CDH18: variants seen among roughly 807,000 people sequenced by gnomAD.
The protein encoded by CDH18 is cadherin-18.
In CDH18, 31 loss-of-function variants were observed where a neutral mutation model predicts 67.9. The observed-to-expected ratio is 0.46, with a 90% CI of 0.34 to 0.62. The LOEUF is 0.62. Ranked by LOEUF, CDH18 falls within the 20% of genes least tolerant of loss-of-function variation. The probability of loss-of-function intolerance (pLI) is 0.01; values close to 1 mark genes in which losing one functional copy is unlikely to be tolerated. For missense variants in CDH18, 890 were observed against 975.5 expected (o/e 0.91, Z 1.17); for synonymous variants, 362 against 347.2 (o/e 1.04, Z -0.48).
intron 4 of CDH18, among the ~76,000 whole-genome samples, chr5:19,742,694 A>G (rs1769371554): frequency 6.6e-6 from 1 of 151,830 alleles, no homozygotes; most frequent in East Asian, 1.9e-4. Context: ...CCATTTTATT[A>G]CTAGCCACTA....
intron 1 of CDH18, among the ~76,000 whole-genome samples, chr5:20,494,413 G>C (rs1371224867): frequency 6.6e-6 from 1 of 151,968 alleles, no homozygotes; most frequent in Non-Finnish European, 1.5e-5. Context: ...TGAGAAAGTA[G>C]ATAAAAAATG....
At chr5:19,699,750 C>T (rs751491680) in intron 5 of CDH18, among the ~76,000 whole-genome samples, 3 of 151,874 alleles carry the variant, frequency 2.0e-5, no homozygotes, top group Non-Finnish European at 2.9e-5. Flanking sequence ...TTCCTCATCA[C>T]AATAGTGCAA....
chr5:20,191,263 T>G (rs946403863), intron 2 of CDH18, among the ~76,000 whole-genome samples: 2 of 152,174 alleles, frequency 1.3e-5, no homozygotes, highest in East Asian at 3.9e-4. Flanking sequence ...CCATTGATGG[T>G]GGAAAATGCC....
chr5:19,674,111 C>T (rs1480686117), intron 5 of CDH18, among the ~76,000 whole-genome samples: 2 of 151,940 alleles, frequency 1.3e-5, no homozygotes, highest in South Asian at 2.1e-4. Flanking sequence ...ACAATGATAA[C>T]CTCCTACATT....
chr5:20,568,004 G>A (rs1758610479), intron 1 of CDH18, among the ~76,000 whole-genome samples: 1 of 152,166 alleles, frequency 6.6e-6, no homozygotes, highest in Non-Finnish European at 1.5e-5. Context: ...AGCACTGAGT[G>A]TAAATATGAG....
At chr5:20,324,007 A>G (rs1738292963) in intron 1 of CDH18, among the ~76,000 whole-genome samples, 1 of 152,168 alleles carries the variant, frequency 6.6e-6, no homozygotes, top group African/African-American at 2.4e-5. Context: ...GTGGCAGATT[A>G]ATCTTCTTTC....
intron 4 of CDH18, among the ~76,000 whole-genome samples, chr5:19,740,370 G>T (rs1349284775): frequency 1.3e-5 from 2 of 151,824 alleles, no homozygotes; most frequent in Non-Finnish European, 2.9e-5. Flanking sequence ...ACAACTTCTA[G>T]ATTTAAAACA....
Position 20,513,705 on chromosome 5 carries a change from T to C in CDH18, c.-580+61757A>G, listed in dbSNP as rs571902617. 1.2e-4 allele frequency among the ~76,000 whole-genome samples: 19 copies of C among 152,254 alleles called. 2 individuals are homozygous for C. Among genetic ancestry groups the C allele is most frequent in the African/African-American group, 4.1e-4 (17 of 41,572 alleles). On this transcript the variant is annotated intron_variant, in intron 1 of 14. Coordinates refer to the CDH18 transcript ENST00000507958. ...TTTTTGGGCCTAACAATCATAACAA[T>C]GTCAAAATAAACATTCATTGGAGAG... is the stretch of plus-strand genomic sequence containing the variant.
intron 2 of CDH18, among the ~76,000 whole-genome samples, chr5:20,139,534 T>G (rs1750051946): frequency 6.6e-6 from 1 of 152,086 alleles, no homozygotes; most frequent in Admixed American, 6.6e-5. Context: ...ACAGGTAACC[T>G]ACAGAATGGG....
intron 1 of CDH18, among the ~76,000 whole-genome samples, chr5:20,552,828 T>C (rs1757708766): frequency 6.6e-6 from 1 of 151,898 alleles, no homozygotes. Context: ...TGATCTCGGC[T>C]CACCGCAACC....
At chr5:20,503,068 C>T (rs1344854043) in intron 1 of CDH18, among the ~76,000 whole-genome samples, 1 of 152,026 alleles carries the variant, frequency 6.6e-6, no homozygotes, top group Non-Finnish European at 1.5e-5. Flanking sequence ...TAATGTAGTG[C>T]TGCAAATAGA....
intron 2 of CDH18, among the ~76,000 whole-genome samples, chr5:20,085,594 C>A (rs974773138): frequency 2.0e-5 from 3 of 152,096 alleles, no homozygotes; most frequent in Admixed American, 6.6e-5. Flanking sequence ...TGGGACTAGA[C>A]AATTTACAAA....
chr5:19,958,133 C>T (rs1479028838), intron 2 of CDH18, among the ~76,000 whole-genome samples: 1 of 151,622 alleles, frequency 6.6e-6, no homozygotes, highest in Non-Finnish European at 1.5e-5. Context: ...TTTTCCCCTT[C>T]AGCAGACTAG....
chr5:20,032,987 A>G (rs986628741), intron 2 of CDH18, among the ~76,000 whole-genome samples: 1 of 152,000 alleles, frequency 6.6e-6, no homozygotes, highest in Non-Finnish European at 1.5e-5. Flanking sequence ...ATTTTTGGAA[A>G]GTACCAATGT....
At chr5:19,524,461 CATA>C (rs1041390237) in intron 9 of CDH18, among the ~76,000 whole-genome samples, 28 of 151,496 alleles carry the variant, frequency 1.8e-4, no homozygotes, top group African/African-American at 4.8e-4. Context: ...TCAAAACTAA[CATA>C]ATAATTAGTC....
At chr5:19,920,922 T>C (rs141247671) in intron 2 of CDH18, among the ~76,000 whole-genome samples, 63 of 49,204 alleles carry the variant, frequency 1.3e-3, no homozygotes, top group African/African-American at 2.6e-3. Context: ...CACACACACA[T>C]CACCACAGGG....
At chr5:20,251,015 A>C (rs1743819522) in intron 2 of CDH18, among the ~76,000 whole-genome samples, 1 of 152,178 alleles carries the variant, frequency 6.6e-6, no homozygotes, top group South Asian at 2.1e-4. Flanking sequence ...GGAAACTTGA[A>C]CTAACATAAA....
intron 2 of CDH18, among the ~76,000 whole-genome samples, chr5:20,044,357 TA>T (rs1196200152): frequency 6.6e-6 from 1 of 152,134 alleles, no homozygotes; most frequent in Non-Finnish European, 1.5e-5. Context: ...GAAGGTTTTT[TA>T]TTATGATGTA....
chr5:19,667,921 T>C (rs1290707318), intron 5 of CDH18, among the ~76,000 whole-genome samples: 2 of 151,950 alleles, frequency 1.3e-5, no homozygotes, highest in East Asian at 1.9e-4. Context: ...GTTGTATTTC[T>C]TACTCTCTAG....
Sources: gnomAD v4.1 joint callset for allele counts (sites outside exome capture counted in the v4.1 genomes callset) on GRCh38, gnomAD v4.1.1 for gene constraint, MANE v1.5 for transcripts, NCBI Gene and HGNC (gene_info 2026-07-23, HGNC 2026-07-21) for gene names.